CREM: variants seen among roughly 807,000 people sequenced by gnomAD.
CREM encodes cAMP-responsive element modulator.
Under a neutral mutation model 37.3 loss-of-function variants are expected in CREM, and 13 were observed. The observed-to-expected ratio is 0.35, with a 90% CI of 0.23 to 0.55. The LOEUF is 0.55. Among genes scored for constraint, CREM ranks in the 20% least tolerant of loss-of-function variants. The pLI is 0.88. For synonymous variants in CREM, 124 were observed against 120.2 expected (o/e 1.03, Z -0.21); for missense variants, 296 against 362.3 (o/e 0.82, Z 1.49).
At chr10:35,206,732 C>T (rs1378179085) in intron 6 of CREM, among the ~76,000 whole-genome samples, 163 bp from the exon 7 acceptor site, 1 of 152,178 alleles carries the variant, frequency 6.6e-6, no homozygotes, top group East Asian at 1.9e-4. Context: ...TGAAGAAGAT[C>T]TTTAATACTT....
At chr10:35,171,825 A>T (rs2093834886) in intron 3 of CREM, among the ~76,000 whole-genome samples, 1 of 152,238 alleles carries the variant, frequency 6.6e-6, no homozygotes, top group African/African-American at 2.4e-5. Flanking sequence ...GGAGCTCCTT[A>T]ATTCTAAAAA....
chr10:35,162,424 T>A (rs528201583), intron 3 of CREM, among the ~76,000 whole-genome samples: 1 of 152,330 alleles, frequency 6.6e-6, no homozygotes, highest in South Asian at 2.1e-4. Flanking sequence ...AATAATGTTC[T>A]CACCACAAAA....
intron 6 of CREM, among the ~76,000 whole-genome samples, chr10:35,196,695 GCATGT>G (rs1040971077): frequency 6.6e-6 from 1 of 152,012 alleles, no homozygotes; most frequent in African/African-American, 2.4e-5. Context: ...CTCAAACACT[GCATGT>G]CATATGATTC....
intron 6 of CREM, among the ~76,000 whole-genome samples, chr10:35,206,018 G>GT (rs2095510846): frequency 6.6e-6 from 1 of 151,850 alleles, no homozygotes; most frequent in Non-Finnish European, 1.5e-5. Flanking sequence ...GGAGGCCAAG[G>GT]TGGGAGGATC....
At chr10:35,197,359 ATTTC>A (rs2134079839) in intron 6 of CREM, among the ~76,000 whole-genome samples, 1 of 152,044 alleles carries the variant, frequency 6.6e-6, no homozygotes, top group South Asian at 2.1e-4. Context: ...AAATCTGGTC[ATTTC>A]TTACAGAATC....
chr10:35,188,552 C>T (rs1381423869), intron 6 of CREM, 164 bp downstream of exon 6: 1 of 517,916 alleles, frequency 1.9e-6, no homozygotes, highest in Non-Finnish European at 3.1e-6. Context: ...CATTAAACAG[C>T]AAATTAAGTT....
At chr10:35,141,721 A>G (rs2091458550) in intron 2 of CREM, among the ~76,000 whole-genome samples, 1 of 152,200 alleles carries the variant, frequency 6.6e-6, no homozygotes, top group African/African-American at 2.4e-5. Flanking sequence ...TAAATCTGGC[A>G]CTTGAATCCA....
Position 35,206,075 on chromosome 10 carries a change from C to T in CREM, c.599-820C>T, listed in dbSNP as rs1392249357. On this transcript the variant is annotated intron_variant, in intron 6 of 7. Transcript: ENST00000685392. ...CATCCTGGCTAACACGGTGAAACCC[C>T]GTCTCTACTAAAAATACAAAAAATT... Among the ~76,000 whole-genome samples the T allele has an allele frequency of 6.6e-5, 10 of 151,532 alleles. No individual in the cohort carries two copies. In the South Asian group the frequency reaches 8.4e-4, roughly 13 times the overall value.
intron 1 of CREM, among the ~76,000 whole-genome samples, chr10:35,131,706 G>A (rs2089416343): frequency 6.6e-6 from 1 of 151,884 alleles, no homozygotes; most frequent in South Asian, 2.1e-4. Context: ...GTAAAATAAT[G>A]GTAAAATTCT....
chr10:35,167,794 G>C (rs1448737597), intron 3 of CREM: 19 of 1,613,680 alleles, frequency 1.2e-5, no homozygotes, highest in Non-Finnish European at 1.6e-5. Context: ...CAGGGGATGT[G>C]GAAGAAAAGG....
At chr10:35,132,625 C>T (rs1165657306) in intron 1 of CREM, among the ~76,000 whole-genome samples, 6 of 152,072 alleles carry the variant, frequency 3.9e-5, no homozygotes, top group African/African-American at 7.2e-5. Flanking sequence ...TACATGAAAG[C>T]GTAAAGATTA....
intron 1 of CREM, among the ~76,000 whole-genome samples, chr10:35,133,261 C>T (rs1236642364): frequency 6.6e-6 from 1 of 151,604 alleles, no homozygotes; most frequent in Non-Finnish European, 1.5e-5. Flanking sequence ...TTAATATTTC[C>T]CGTAAGTCAT....
intron 5 of CREM, 179 bp downstream of exon 5, chr10:35,179,455 CAT>C: frequency 1.3e-6 from 1 of 741,420 alleles, no homozygotes; most frequent in Non-Finnish European, 1.9e-6. Flanking sequence ...TGACAGCTGT[CAT>C]ATAATTTTGA....
intron 3 of CREM, among the ~76,000 whole-genome samples, chr10:35,157,558 G>A (rs2092993347): frequency 6.6e-6 from 1 of 151,392 alleles, no homozygotes; most frequent in South Asian, 2.1e-4. Flanking sequence ...ATGGCTTGAG[G>A]CTGGGAGGCA....
chr10:35,176,647 G>T (rs964144366), intron 3 of CREM, among the ~76,000 whole-genome samples: 3 of 152,032 alleles, frequency 2.0e-5, no homozygotes, highest in Non-Finnish European at 2.9e-5. Flanking sequence ...CTGACCTCGT[G>T]ATCCGCCTGT....
At chr10:35,148,246 CAG>C (rs1207127495) in intron 2 of CREM, 120 bp from the exon 3 acceptor site, 10 of 974,516 alleles carry the variant, frequency 1.0e-5, no homozygotes, top group African/African-American at 1.7e-5. Flanking sequence ...TGTAAATGCT[CAG>C]AAAGTTTCAG....
intron 6 of CREM, among the ~76,000 whole-genome samples, chr10:35,191,939 C>CCACCTGGTGT (rs56161430): frequency 1.5e-5 from 1 of 68,500 alleles, no homozygotes; most frequent in Non-Finnish European, 3.5e-5. Flanking sequence ...CACTACTATC[C>CCACCTGGTGT]TTGATGCCAG....
intron 3 of CREM, among the ~76,000 whole-genome samples, chr10:35,172,716 C>G (rs756138379): frequency 6.6e-6 from 1 of 152,084 alleles, no homozygotes; most frequent in African/African-American, 2.4e-5. Context: ...AGCACCCCCC[C>G]GCTGCGTCCT....
At chr10:35,137,199 AAG>A (rs1157512577) in intron 1 of CREM, among the ~76,000 whole-genome samples, 2 of 144,386 alleles carry the variant, frequency 1.4e-5, no homozygotes, top group Non-Finnish European at 2.9e-5. Context: ...GTAAAAAATA[AAG>A]AGAGTTTAAT....
Sources: gnomAD v4.1 joint callset for allele counts (sites outside exome capture counted in the v4.1 genomes callset) on GRCh38, gnomAD v4.1.1 for gene constraint, MANE v1.5 for transcripts, NCBI Gene and HGNC (gene_info 2026-07-23, HGNC 2026-07-21) for gene names.